CSMD1: variants seen among roughly 807,000 people sequenced by gnomAD.
The protein encoded by CSMD1 is CUB and Sushi multiple domains 1.
In CSMD1, 213 loss-of-function variants were observed where a neutral mutation model predicts 417.5. The ratio of observed to expected loss-of-function variants is 0.51; its 90% CI spans 0.46 to 0.57. CSMD1 has a LOEUF of 0.57. Ranked by LOEUF, CSMD1 falls within the 20% of genes least tolerant of loss-of-function variation. The pLI is 0.00. For missense variants in CSMD1, 6,923 were observed against 4,529.7 expected (o/e 1.53, Z -15.17); for synonymous variants, 2,862 against 1,736.8 (o/e 1.65, Z -16.11).
chr8:4,444,536 A>G (rs1312404006), intron 2 of CSMD1, among the ~76,000 whole-genome samples: 1 of 151,988 alleles, frequency 6.6e-6, no homozygotes, highest in African/African-American at 2.4e-5. Flanking sequence ...GGAGAACAAT[A>G]ATGTCCATCT....
intron 7 of CSMD1, among the ~76,000 whole-genome samples, chr8:3,642,570 A>G (rs1182136772): frequency 6.6e-6 from 1 of 152,346 alleles, no homozygotes; most frequent in Non-Finnish European, 1.5e-5. Flanking sequence ...AGAAGTTTGC[A>G]TAAAGGATGA....
chr8:4,902,678 G>C (rs1211102795), intron 1 of CSMD1, among the ~76,000 whole-genome samples: 1 of 151,804 alleles, frequency 6.6e-6, no homozygotes, highest in Admixed American at 6.6e-5. Context: ...ATTTACTTTT[G>C]AATAGGTGAT....
intron 1 of CSMD1, among the ~76,000 whole-genome samples, chr8:4,909,037 A>G (rs1805490662): frequency 6.6e-6 from 1 of 152,190 alleles, no homozygotes; most frequent in Non-Finnish European, 1.5e-5. Context: ...AAAAAATGTG[A>G]TAAGCAGGAC....
chr8:3,462,611 C>T (rs1333744688), intron 12 of CSMD1, among the ~76,000 whole-genome samples: 2 of 152,140 alleles, frequency 1.3e-5, no homozygotes, highest in Admixed American at 1.3e-4. Flanking sequence ...AAGCTCAGGG[C>T]TCCCAATGAT....
chr8:3,523,281 G>C (rs557885545), intron 10 of CSMD1, among the ~76,000 whole-genome samples: 18 of 150,830 alleles, frequency 1.2e-4, no homozygotes, highest in African/African-American at 4.2e-4. Flanking sequence ...GCCTACATAA[G>C]AATAACCTAT....
chr8:3,562,204 T>C (rs778920008), intron 10 of CSMD1, among the ~76,000 whole-genome samples: 2 of 152,052 alleles, frequency 1.3e-5, no homozygotes, highest in Non-Finnish European at 2.9e-5. Context: ...AATGTTAAAA[T>C]AATGATGTAG....
At chr8:4,690,237 C>A (rs1363901324) in intron 1 of CSMD1, among the ~76,000 whole-genome samples, 1 of 152,094 alleles carries the variant, frequency 6.6e-6, no homozygotes, top group African/African-American at 2.4e-5. Context: ...AATTTCTAGA[C>A]CAACAAGTCT....
At chr8:3,119,646 T>C (rs959159026) in intron 41 of CSMD1, among the ~76,000 whole-genome samples, 2 of 152,156 alleles carry the variant, frequency 1.3e-5, no homozygotes, top group African/African-American at 4.8e-5. Context: ...AATGAGCCTC[T>C]CGCCCACTCT....
chr8:3,868,053 C>A (rs550833882), intron 5 of CSMD1, among the ~76,000 whole-genome samples: 104 of 152,212 alleles, frequency 6.8e-4, no homozygotes, highest in African/African-American at 2.4e-3. Context: ...CTGATCTGTC[C>A]CTATCACCCA....
intron 3 of CSMD1, among the ~76,000 whole-genome samples, chr8:4,297,993 A>C (rs1051414549): frequency 3.9e-5 from 6 of 152,168 alleles, no homozygotes; most frequent in Admixed American, 1.3e-4. Flanking sequence ...AGGTGCTAAA[A>C]TGTAGCAAAC....
intron 7 of CSMD1, among the ~76,000 whole-genome samples, chr8:3,669,428 G>C (rs1219979087): frequency 6.6e-6 from 1 of 152,156 alleles, no homozygotes; most frequent in Non-Finnish European, 1.5e-5. Flanking sequence ...ACACTGTAGT[G>C]AGGGACTCCA....
chr8:3,760,742 T>C lies in CSMD1; in HGVS notation c.819-6700A>G, dbSNP rs561868654. Among the ~76,000 whole-genome samples, 5 of 152,360 alleles carry C rather than the reference T, an allele frequency of 3.3e-5. No individual in the cohort carries two copies. In the South Asian group the frequency reaches 8.3e-4, roughly 25 times the overall value. On this transcript the variant is annotated intron_variant, in intron 5 of 69. Transcript: ENST00000635120. The stretch of plus-strand genomic sequence containing the variant: ...CTCTTACATTAAGCCAGATTTCTTA[T>C]GTCTTTAGAAAATCATCAGAGAAAT...
At chr8:3,730,742 T>C (rs1407757572) in intron 6 of CSMD1, among the ~76,000 whole-genome samples, 1 of 152,216 alleles carries the variant, frequency 6.6e-6, no homozygotes, top group South Asian at 2.1e-4. Flanking sequence ...CACAGTTCTA[T>C]GCAGATAGGA....
intron 2 of CSMD1, among the ~76,000 whole-genome samples, chr8:4,492,683 G>A (rs80207602): frequency 6.6e-6 from 1 of 152,080 alleles, no homozygotes; most frequent in African/African-American, 2.4e-5. Flanking sequence ...GAAGGTAAAA[G>A]GATTTTTGAG....
chr8:4,157,924 T>A (rs1023756499), intron 3 of CSMD1, among the ~76,000 whole-genome samples: 5 of 152,154 alleles, frequency 3.3e-5, no homozygotes, highest in African/African-American at 1.2e-4. Context: ...TCCCTGAGGT[T>A]AAGCAAGCTG....
intron 7 of CSMD1, among the ~76,000 whole-genome samples, chr8:3,625,623 C>T (rs995489193): frequency 2.0e-5 from 3 of 151,986 alleles, no homozygotes; most frequent in Non-Finnish European, 2.9e-5. Context: ...GCTTCTAATG[C>T]TATGTCCTAA....
intron 5 of CSMD1, among the ~76,000 whole-genome samples, chr8:3,759,372 C>T (rs1797861324): frequency 6.6e-6 from 1 of 152,138 alleles, no homozygotes; most frequent in Non-Finnish European, 1.5e-5. Flanking sequence ...CATAACCTTA[C>T]TGAATCCAGG....
chr8:4,426,958 G>A (rs552952787), intron 2 of CSMD1, among the ~76,000 whole-genome samples: 1 of 151,936 alleles, frequency 6.6e-6, no homozygotes, highest in Non-Finnish European at 1.5e-5. Context: ...TCGGTCACTG[G>A]ATAAGACTGG....
At chr8:4,391,340 G>C (rs1024888410) in intron 3 of CSMD1, among the ~76,000 whole-genome samples, 1 of 152,160 alleles carries the variant, frequency 6.6e-6, no homozygotes, top group Non-Finnish European at 1.5e-5. Flanking sequence ...TCCCTTGACT[G>C]AGCTGAGCTA....
Sources: allele counts gnomAD v4.1 joint callset (sites outside exome capture counted in the v4.1 genomes callset), GRCh38; gene constraint gnomAD v4.1.1; transcripts MANE v1.5; gene names NCBI Gene and HGNC (gene_info 2026-07-23, HGNC 2026-07-21).